FER1L6: variants seen among roughly 807,000 people sequenced by gnomAD.
The protein encoded by FER1L6 is fer-1 like family member 6.
A neutral mutation model predicts 219.2 loss-of-function variants in FER1L6; 177 were observed. That is an observed-to-expected ratio of 0.81 (90% CI 0.71 to 0.91). FER1L6 has a LOEUF of 0.91. FER1L6 is among the 40% of genes least tolerant of loss of function. FER1L6 has a pLI of 0.00. For missense variants in FER1L6, 2,153 were observed against 2,259.9 expected, an observed-to-expected ratio of 0.95 and a Z score of 0.96; for synonymous variants, 768 against 824.3, an observed-to-expected ratio of 0.93 and a Z score of 1.17.
At chr8:124,050,579 C>T (rs949392784) in intron 22 of FER1L6, among the ~76,000 whole-genome samples, 1 of 152,108 alleles carries the variant, frequency 6.6e-6, no homozygotes, top group Non-Finnish European at 1.5e-5. Context: ...TTAGTCAGAT[C>T]AATACCTCTA....
rs62520811 is a variant in FER1L6, at chr8:124,068,849, G to A, written c.3719-511G>A. On this transcript the variant is annotated intron_variant, in intron 28 of 40. Transcript: ENST00000522917. ...TTATATGTGCATGGGGTGCCCTGCA[G>A]TCAGGCAGTGTACAGACTGTATGTA... 3.5e-3 allele frequency among the ~76,000 whole-genome samples: 529 copies of A among 152,192 alleles called. 1 individual carries two copies. The highest frequency in any genetic ancestry group is 5.8e-3 in the Non-Finnish European group (397 of 68,008).
chr8:123,953,836 C>T (rs1814891034), intron 1 of FER1L6, among the ~76,000 whole-genome samples: 2 of 152,120 alleles, frequency 1.3e-5, no homozygotes, highest in East Asian at 1.9e-4. Context: ...AATGCTGATT[C>T]GGGGTTGGGA....
intron 22 of FER1L6, 22 bp downstream of exon 22, chr8:124,049,778 C>T (rs748891394): frequency 9.3e-6 from 15 of 1,613,188 alleles, no homozygotes; most frequent in Admixed American, 8.3e-5. Flanking sequence ...AGATGTGGCA[C>T]GAGATCTATT....
At chr8:124,114,558 A>G (rs970471001) in intron 39 of FER1L6, among the ~76,000 whole-genome samples, 1 of 152,096 alleles carries the variant, frequency 6.6e-6, no homozygotes, top group Non-Finnish European at 1.5e-5. Context: ...GGCAGATAAA[A>G]TCCAAAATGA....
intron 1 of FER1L6, among the ~76,000 whole-genome samples, chr8:123,951,420 A>G (rs1474639564): frequency 1.3e-5 from 2 of 152,252 alleles, no homozygotes; most frequent in Admixed American, 6.5e-5. Context: ...ATGGCAAGGC[A>G]GAGTAGTCAC....
intron 22 of FER1L6, among the ~76,000 whole-genome samples, chr8:124,051,776 C>T (rs925787924): frequency 4.6e-5 from 7 of 152,148 alleles, no homozygotes; most frequent in African/African-American, 1.4e-4. Flanking sequence ...CAAACCCAGA[C>T]CCTGCCCAGG....
At chr8:124,010,538 G>A (rs1256856165) in intron 13 of FER1L6, 56 bp from the exon 14 acceptor site, 2 of 1,601,028 alleles carry the variant, frequency 1.2e-6, no homozygotes, top group Non-Finnish European at 1.7e-6. Flanking sequence ...GTGTGACTGG[G>A]GTTGCCTGGA....
At chr8:123,859,340 A>T (rs1227371704) in intron 1 of FER1L6, among the ~76,000 whole-genome samples, 1 of 151,834 alleles carries the variant, frequency 6.6e-6, no homozygotes. Context: ...ATCTATGTGT[A>T]CATTATGGAA....
intron 10 of FER1L6, among the ~76,000 whole-genome samples, chr8:123,978,755 T>G (rs1586546080): frequency 6.6e-6 from 1 of 152,196 alleles, no homozygotes; most frequent in African/African-American, 2.4e-5. Flanking sequence ...TAAAGGCATG[T>G]CAAGAGCAGT....
intron 32 of FER1L6, among the ~76,000 whole-genome samples, chr8:124,079,843 G>C (rs969018596): frequency 6.6e-6 from 1 of 152,194 alleles, no homozygotes; most frequent in South Asian, 2.1e-4. Context: ...CAGATCTGGA[G>C]CAGGGAGAAT....
At chr8:124,085,958 A>G (rs1477473571) in intron 33 of FER1L6, among the ~76,000 whole-genome samples, 4 of 152,218 alleles carry the variant, frequency 2.6e-5, no homozygotes, top group African/African-American at 9.6e-5. Context: ...TTATCATTAT[A>G]TAATGACCTT....
intron 39 of FER1L6, among the ~76,000 whole-genome samples, chr8:124,105,487 G>A (rs1408458225): frequency 1.3e-5 from 2 of 152,190 alleles, no homozygotes; most frequent in Non-Finnish European, 2.9e-5. Context: ...ATGGTCAGAA[G>A]AGGGTCAAAA....
intron 39 of FER1L6, among the ~76,000 whole-genome samples, chr8:124,115,710 T>C (rs916417290): frequency 2.6e-5 from 4 of 152,186 alleles, no homozygotes; most frequent in African/African-American, 9.7e-5. Flanking sequence ...ACTGCATATG[T>C]GTTATTTCAT....
At chr8:124,063,030 T>C (rs1204430990) in intron 25 of FER1L6, among the ~76,000 whole-genome samples, 1 of 152,238 alleles carries the variant, frequency 6.6e-6, no homozygotes, top group East Asian at 1.9e-4. Flanking sequence ...TAGTATCTAA[T>C]TTTTATTTTA....
chr8:123,923,521 G>C (rs1292199193), intron 1 of FER1L6, among the ~76,000 whole-genome samples: 2 of 152,138 alleles, frequency 1.3e-5, no homozygotes, highest in African/African-American at 4.8e-5. Flanking sequence ...CTCAGAAAAA[G>C]TTATGCATAA....
Position 124,058,667 on chromosome 8 carries a change from A to G in FER1L6, c.2875-1513A>G, listed in dbSNP as rs1415671501. 4 of 152,350 alleles carry G rather than the reference A, an allele frequency of 2.6e-5. No individual in the cohort carries two copies. In the East Asian group the frequency reaches 7.7e-4, roughly 29 times the overall value. The allele number at this position is 152,350 out of a possible 1,614,324, so 9.4% of individuals were successfully genotyped here. A position where few individuals can be genotyped will look rare whatever the true frequency, so the allele number is the denominator to read the frequency against. ...ATAAAACATATGATGCTTTTTAAAA[A>G]GCACATCTAGAGGCAGCCCCTCCTA... On this transcript the variant is annotated intron_variant, in intron 22 of 40. Coordinates refer to ENST00000522917, the MANE Select transcript of FER1L6 (RefSeq NM_001039112.2).
intron 1 of FER1L6, among the ~76,000 whole-genome samples, chr8:123,913,417 T>C (rs1304008806): frequency 1.3e-5 from 2 of 152,200 alleles, no homozygotes; most frequent in Non-Finnish European, 2.9e-5. Context: ...AATAGGAGCA[T>C]TTTCAACATA....
chr8:124,083,137 CCTTT>C (rs1384907139), intron 33 of FER1L6, among the ~76,000 whole-genome samples: 4 of 148,288 alleles, frequency 2.7e-5, no homozygotes, highest in African/African-American at 5.0e-5. Flanking sequence ...AAATATTTAT[CCTTT>C]CTTTATATTA....
chr8:123,924,420 C>T (rs4428656), intron 1 of FER1L6, among the ~76,000 whole-genome samples: 67,313 of 150,376 alleles, frequency 0.45, 15,157 homozygotes, highest in South Asian at 0.53. Context: ...CAGATGCCTG[C>T]AATCCCAGCT....
Sources: allele counts gnomAD v4.1 joint callset (sites outside exome capture counted in the v4.1 genomes callset), GRCh38; gene constraint gnomAD v4.1.1; transcripts MANE v1.5; gene names NCBI Gene and HGNC (gene_info 2026-07-23, HGNC 2026-07-21).